Variants in ZC3H12B observed in about 807,000 individuals in gnomAD.
The protein encoded by ZC3H12B is probable ribonuclease ZC3H12B.
Under a neutral mutation model 43.9 loss-of-function variants are expected in ZC3H12B, and 7 were observed. The ratio of observed to expected loss-of-function variants is 0.16; its 90% CI spans 0.09 to 0.30. ZC3H12B has a LOEUF of 0.30. Ranked by LOEUF, ZC3H12B falls within the 10% of genes least tolerant of loss-of-function variation. The pLI is 1.00. For missense variants in ZC3H12B, 475 were observed against 670.2 expected, an observed-to-expected ratio of 0.71 and a Z score of 3.22; for synonymous variants, 222 against 241.7, an observed-to-expected ratio of 0.92 and a Z score of 0.76.
At chrX:65,144,391 C>G in the ZC3H12B span, among the ~76,000 whole-genome samples, 1 of 112,028 alleles carries the variant, frequency 8.9e-6, no homozygotes, top group African/African-American at 3.2e-5. Flanking sequence ...TGCTAATGGT[C>G]TACCAATGTT....
At chrX:65,181,808 T>C in the ZC3H12B span, among the ~76,000 whole-genome samples, 3 of 111,516 alleles carry the variant, frequency 2.7e-5, no homozygotes, top group African/African-American at 9.8e-5. Context: ...TTAGTGGGAG[T>C]GTAAATTACT....
the ZC3H12B span, among the ~76,000 whole-genome samples, chrX:65,049,328 A>G: frequency 1.8e-5 from 2 of 111,374 alleles, no homozygotes; most frequent in Non-Finnish European, 3.8e-5. Flanking sequence ...TCTTTAATCC[A>G]TATTGAGTTG....
the ZC3H12B span, chrX:65,331,095 T>A: frequency 6.4e-6 from 2 of 311,882 alleles, no homozygotes; most frequent in Non-Finnish European, 1.2e-5. Context: ...TTCCACCAAT[T>A]GTAATGTACA....
At chrX:65,088,989 A>G in the ZC3H12B span, among the ~76,000 whole-genome samples, 4 of 112,105 alleles carry the variant, frequency 3.6e-5, no homozygotes, top group Non-Finnish European at 7.5e-5. Flanking sequence ...TAATATAACT[A>G]ATATATTTAG....
chrX:65,198,946 C>T, the ZC3H12B span, among the ~76,000 whole-genome samples: 7 of 111,097 alleles, frequency 6.3e-5, no homozygotes, highest in Non-Finnish European at 1.3e-4. Context: ...TATGCCTCAG[C>T]CTCCTGAGTA....
chrX:65,060,086 A>ATTTG, the ZC3H12B span, among the ~76,000 whole-genome samples: 26,835 of 111,920 alleles, frequency 0.24, 7,662 homozygotes, highest in African/African-American at 0.83. Context: ...ACTTTGCTGA[A>ATTTG]TTTATCATTT....
Position 65,375,677 on chromosome X carries a change from T to C in ZC3H12B, n.295+6679T>C, listed in dbSNP as rs761127941. On this transcript the variant is annotated intron_variant and non_coding_transcript_variant, in intron 2 of 5. Coordinates refer to the ZC3H12B transcript ENST00000617377. ...GGCCTTAGTTCCTGGATGACATTTC[T>C]AGATACATCCTGAGCCAGAAGGGAA... Among the ~76,000 whole-genome samples, 9 of 111,329 alleles carry C rather than the reference T, an allele frequency of 8.1e-5. No individual in the cohort carries two copies. The South Asian group carries it at 1.1e-3, about 14-fold the overall frequency.
intron 3 of ZC3H12B, among the ~76,000 whole-genome samples, chrX:65,426,407 A>C (rs1169162100): frequency 9.4e-6 from 1 of 105,958 alleles, no homozygotes; most frequent in East Asian, 2.9e-4. Flanking sequence ...AAAAAAAAAA[A>C]AAAAAAAAAC....
chrX:65,207,006 A>T, the ZC3H12B span, among the ~76,000 whole-genome samples: 25 of 109,563 alleles, frequency 2.3e-4, no homozygotes, highest in Admixed American at 3.9e-4. Context: ...TCAAAAAAAA[A>T]AATAATATTG....
At chrX:65,313,509 C>A in the ZC3H12B span, among the ~76,000 whole-genome samples, 3 of 111,839 alleles carry the variant, frequency 2.7e-5, no homozygotes, top group African/African-American at 6.5e-5. Context: ...GCTTTAAGAA[C>A]TGAACTATAA....
upstream of ZC3H12B, among the ~76,000 whole-genome samples, chrX:65,365,730 C>T (rs758083607): frequency 1.5e-4 from 17 of 111,144 alleles, no homozygotes; most frequent in African/African-American, 3.6e-4. Context: ...ATCCAGATGG[C>T]CTGTTCCTGC....
chrX:65,120,127 C>T, the ZC3H12B span, among the ~76,000 whole-genome samples: 1 of 111,816 alleles, frequency 8.9e-6, no homozygotes, highest in Admixed American at 9.5e-5. Context: ...CTTGGCAGTG[C>T]AGGCTCTTTT....
chrX:65,148,836 A>G, the ZC3H12B span, among the ~76,000 whole-genome samples: 2 of 111,756 alleles, frequency 1.8e-5, no homozygotes, highest in Non-Finnish European at 3.8e-5. Flanking sequence ...ATAGTTACTC[A>G]AATTGATGTT....
the ZC3H12B span, among the ~76,000 whole-genome samples, chrX:65,154,498 G>A: frequency 8.9e-6 from 1 of 111,762 alleles, no homozygotes; most frequent in Non-Finnish European, 1.9e-5. Context: ...TTTCTACATG[G>A]ACATTTATCT....
the ZC3H12B span, among the ~76,000 whole-genome samples, chrX:65,197,736 C>T: frequency 8.9e-6 from 1 of 112,295 alleles, no homozygotes; most frequent in Non-Finnish European, 1.9e-5. Context: ...GTCTGGTAAA[C>T]ATGGAAAAGC....
chrX:65,097,427 A>G, the ZC3H12B span, among the ~76,000 whole-genome samples: 3 of 111,375 alleles, frequency 2.7e-5, no homozygotes, highest in African/African-American at 6.5e-5. Flanking sequence ...TTGACATTCT[A>G]TAGTTTATAT....
At chrX:65,375,960 G>A (rs1229710684) in intron 2 of ZC3H12B, among the ~76,000 whole-genome samples, 1 of 112,041 alleles carries the variant, frequency 8.9e-6, no homozygotes, top group Non-Finnish European at 1.9e-5. Flanking sequence ...TACCAGCTTG[G>A]CCACAGGAGG....
chrX:65,228,287 T>C, the ZC3H12B span, among the ~76,000 whole-genome samples: 2 of 111,901 alleles, frequency 1.8e-5, no homozygotes, highest in African/African-American at 6.5e-5. Context: ...AAAAACCACC[T>C]GGTTATCTCA....
chrX:65,209,926 A>G, the ZC3H12B span, among the ~76,000 whole-genome samples: 1 of 94,130 alleles, frequency 1.1e-5, no homozygotes, highest in Admixed American at 1.1e-4. Flanking sequence ...TTCAAGATGG[A>G]TTAAAGATTT....
Sources: gnomAD v4.1 joint callset for allele counts (sites outside exome capture counted in the v4.1 genomes callset) on GRCh38, gnomAD v4.1.1 for gene constraint, MANE v1.5 for transcripts, NCBI Gene and HGNC (gene_info 2026-07-23, HGNC 2026-07-21) for gene names.